The following IMMP2L variants were observed in gnomAD, a reference collection of about 807,000 sequenced individuals.
The protein encoded by IMMP2L is inner mitochondrial membrane peptidase subunit 2, also known as mitochondrial inner membrane protease subunit 2.
IMMP2L carries 18 observed loss-of-function variants against 19.3 expected under a neutral mutation model. That is an observed-to-expected ratio of 0.93 (90% CI 0.64 to 1.38). The LOEUF (loss-of-function observed/expected upper bound fraction) is 1.38. Ranked by LOEUF, IMMP2L falls within the 40% of genes most tolerant of loss-of-function variation. The pLI, the probability that IMMP2L is intolerant of heterozygous loss-of-function variation, is 0.00. For missense variants in IMMP2L, 233 were observed against 218.2 expected, an observed-to-expected ratio of 1.07 and a Z score of -0.43; for synonymous variants, 76 against 73.0, an observed-to-expected ratio of 1.04 and a Z score of -0.21.
intron 3 of IMMP2L, among the ~76,000 whole-genome samples, chr7:110,999,959 G>T (rs1389440750): frequency 6.6e-6 from 1 of 152,112 alleles, no homozygotes; most frequent in African/African-American, 2.4e-5. Context: ...CCCTCAATTG[G>T]CAGAGTAAGA....
intron 3 of IMMP2L, among the ~76,000 whole-genome samples, chr7:110,981,241 A>C (rs1189269025): frequency 6.6e-6 from 1 of 152,106 alleles, no homozygotes; most frequent in Non-Finnish European, 1.5e-5. Context: ...TTTTCTTTAA[A>C]TATAAAAGAC....
chr7:111,027,854 A>C (rs919739591), intron 3 of IMMP2L, among the ~76,000 whole-genome samples: 1 of 152,126 alleles, frequency 6.6e-6, no homozygotes. Context: ...ATAGGACGAA[A>C]TCTAAATTCA....
At chr7:110,985,471 A>T (rs1268289682) in intron 3 of IMMP2L, among the ~76,000 whole-genome samples, 1 of 152,152 alleles carries the variant, frequency 6.6e-6, no homozygotes. Context: ...AAAAAATAGT[A>T]AGTTGGTGTC....
At chr7:111,427,955 T>C (rs1448078054) in intron 3 of IMMP2L, among the ~76,000 whole-genome samples, 1 of 151,826 alleles carries the variant, frequency 6.6e-6, no homozygotes, top group Non-Finnish European at 1.5e-5. Flanking sequence ...GGAATACTAA[T>C]GATATTCATT....
chr7:110,887,606 T>A (rs1280200247), intron 4 of IMMP2L, among the ~76,000 whole-genome samples: 3 of 144,842 alleles, frequency 2.1e-5, no homozygotes, highest in Non-Finnish European at 4.5e-5. Flanking sequence ...AAAAAAAAAA[T>A]AATTTACCTA....
At chr7:111,216,331 G>A (rs1478886901) in intron 3 of IMMP2L, among the ~76,000 whole-genome samples, 1 of 152,136 alleles carries the variant, frequency 6.6e-6, no homozygotes, top group African/African-American at 2.4e-5. Context: ...CCTAGAAAAA[G>A]AGGGAATAGT....
intron 3 of IMMP2L, among the ~76,000 whole-genome samples, chr7:111,118,939 C>T (rs1215712412): frequency 6.6e-6 from 1 of 152,040 alleles, no homozygotes; most frequent in African/African-American, 2.4e-5. Flanking sequence ...TAGCATATGG[C>T]TATGTAAATG....
At chr7:111,345,702 AG>A (rs1379717645) in intron 3 of IMMP2L, among the ~76,000 whole-genome samples, 1 of 152,148 alleles carries the variant, frequency 6.6e-6, no homozygotes, top group Non-Finnish European at 1.5e-5. Flanking sequence ...GTGGCTAACA[AG>A]TCTAGCTCTG....
chr7:110,868,117 T>TTGTGTGTGTGTG (rs71151813), intron 5 of IMMP2L, among the ~76,000 whole-genome samples: 7,471 of 144,246 alleles, frequency 0.052, 487 homozygotes, highest in African/African-American at 0.15. Flanking sequence ...CTTGTGAGGT[T>TTGTGTGTGTGTG]TGTGTGTGTG....
At chr7:110,983,831 T>A (rs994381307) in intron 3 of IMMP2L, among the ~76,000 whole-genome samples, 1 of 151,968 alleles carries the variant, frequency 6.6e-6, no homozygotes, top group African/African-American at 2.4e-5. Flanking sequence ...ATTCCTCCAT[T>A]GCTATTTATT....
intron 3 of IMMP2L, among the ~76,000 whole-genome samples, chr7:111,255,230 A>G (rs1816577081): frequency 6.6e-6 from 1 of 152,154 alleles, no homozygotes; most frequent in Non-Finnish European, 1.5e-5. Flanking sequence ...TATCATAATT[A>G]AAGAAAACTA....
chr7:111,122,336 G>A (rs1800748031), intron 3 of IMMP2L: 2 of 153,528 alleles, frequency 1.3e-5, no homozygotes, highest in Non-Finnish European at 2.9e-5. Flanking sequence ...ATTAGGTAAT[G>A]AATATCAATT....
intron 4 of IMMP2L, among the ~76,000 whole-genome samples, chr7:110,935,693 A>T (rs888154728): frequency 6.6e-6 from 1 of 152,146 alleles, no homozygotes; most frequent in Non-Finnish European, 1.5e-5. Flanking sequence ...AATTAGAAAA[A>T]AATGACTTTA....
intron 3 of IMMP2L, among the ~76,000 whole-genome samples, chr7:111,100,155 T>A (rs1797819390): frequency 6.6e-6 from 1 of 151,610 alleles, no homozygotes; most frequent in African/African-American, 2.4e-5. Context: ...CAATAGCTTT[T>A]TGGGAAACAG....
At chr7:110,988,834 A>G (rs1822132896) in intron 3 of IMMP2L, among the ~76,000 whole-genome samples, 1 of 152,236 alleles carries the variant, frequency 6.6e-6, no homozygotes, top group African/African-American at 2.4e-5. Flanking sequence ...TGGAAGGATT[A>G]TCATATTATA....
At chr7:111,501,397 C>G (rs1372774953) in intron 2 of IMMP2L, among the ~76,000 whole-genome samples, 1 of 152,182 alleles carries the variant, frequency 6.6e-6, no homozygotes, top group African/African-American at 2.4e-5. Context: ...GGAAAACACT[C>G]TGCAGGATAT....
chr7:111,067,291 T>G (rs916586621), intron 3 of IMMP2L, among the ~76,000 whole-genome samples: 6 of 152,232 alleles, frequency 3.9e-5, no homozygotes, highest in African/African-American at 1.4e-4. Context: ...AACTGTTCTC[T>G]CTAACTTTGT....
chr7:111,543,650 T>C (rs1472253426), intron 1 of IMMP2L, among the ~76,000 whole-genome samples: 1 of 152,186 alleles, frequency 6.6e-6, no homozygotes, highest in Non-Finnish European at 1.5e-5. Context: ...CTTTATATTT[T>C]CTGATCCAAT....
intron 2 of IMMP2L, among the ~76,000 whole-genome samples, chr7:111,496,493 G>A (rs978504895): frequency 1.3e-5 from 2 of 152,124 alleles, no homozygotes; most frequent in African/African-American, 4.8e-5. Flanking sequence ...GCACTGGATT[G>A]AGTAAGAAAG....
Sources: allele counts gnomAD v4.1 joint callset (sites outside exome capture counted in the v4.1 genomes callset), GRCh38; gene constraint gnomAD v4.1.1; transcripts MANE v1.5; gene names NCBI Gene and HGNC (gene_info 2026-07-23, HGNC 2026-07-21).